Variants in BCAS3 observed in about 807,000 individuals in gnomAD.
BCAS3 encodes BCAS4/BCAS3 fusion.
A neutral mutation model predicts 116.1 loss-of-function variants in BCAS3; 53 were observed. That is an observed-to-expected ratio of 0.46 (90% CI 0.37 to 0.57). The LOEUF is 0.57. Among genes scored for constraint, BCAS3 ranks in the 20% least tolerant of loss-of-function variants. The pLI is 0.00. For synonymous variants in BCAS3, 391 were observed against 408.2 expected, an observed-to-expected ratio of 0.96 and a Z score of 0.51; for missense variants, 917 against 1,165.4, an observed-to-expected ratio of 0.79 and a Z score of 3.10.
At chr17:60,973,777 A>G (rs917176475) in intron 14 of BCAS3, among the ~76,000 whole-genome samples, 28 of 151,780 alleles carry the variant, frequency 1.8e-4, no homozygotes, top group African/African-American at 6.1e-4. Context: ...TTTTTGGTAG[A>G]TACAGGGTCT....
rs2048193482 is a variant in BCAS3 at position 61,249,266 on chromosome 17, A to C, written c.2426-119061A>C. ...CACACCACTGCACTCCAGCCTGGGC[A>C]ACAAGAGTGAAACTCCATCTCAAAA... On this transcript the variant is annotated intron_variant, in intron 22 of 23. Coordinates refer to ENST00000407086, the MANE Select transcript of BCAS3 (RefSeq NM_017679.5). The surrounding 1 kb of genome is among the most constrained non-coding windows in gnomAD (Gnocchi z 6.2). Among the ~76,000 whole-genome samples, 1 of 152,228 alleles carries C rather than the reference A, an allele frequency of 6.6e-6. No homozygotes were observed. Among genetic ancestry groups the C allele is most frequent in the South Asian group, 2.1e-4 (1 of 4,834 alleles).
At chr17:61,078,659 C>G in intron 21 of BCAS3, 130 bp downstream of exon 21, 1 of 721,804 alleles carries the variant, frequency 1.4e-6, no homozygotes, top group Non-Finnish European at 2.2e-6. Flanking sequence ...TGTACTGTTG[C>G]ACGTAATTCC....
intron 15 of BCAS3, among the ~76,000 whole-genome samples, chr17:61,014,029 G>C (rs1222104463): frequency 1.3e-5 from 2 of 152,042 alleles, no homozygotes; most frequent in South Asian, 2.1e-4. Flanking sequence ...GGACTTTCGG[G>C]GGGGATGCTT....
At chr17:60,776,691 C>T (rs1208358406) in intron 6 of BCAS3, among the ~76,000 whole-genome samples, 2 of 148,092 alleles carry the variant, frequency 1.4e-5, no homozygotes, top group Non-Finnish European at 3.0e-5. Context: ...TGTACTCCAG[C>T]CTGGGTGATA....
At position 61,208,790 on chromosome 17, in the gene BCAS3, G is replaced by T. The variant is rs1484293700; in HGVS notation, c.2425+124226G>T. 6.6e-6 allele frequency among the ~76,000 whole-genome samples: 1 copy of T among 151,822 alleles called. No individual in the cohort carries two copies. Among genetic ancestry groups the T allele is most frequent in the Admixed American group, 6.6e-5 (1 of 15,236 alleles). ...CCTGCAGTAGAGCCCTTGTCAGCTCGCTGGTGCTCTCTGCAAACTTGCAGT... is the reference window on the plus strand; with the variant it reads ...CCTGCAGTAGAGCCCTTGTCAGCTCTCTGGTGCTCTCTGCAAACTTGCAGT... On this transcript the variant is annotated intron_variant, in intron 22 of 23. Transcript: ENST00000407086. The surrounding 1 kb of genome is among the most constrained non-coding windows in gnomAD (Gnocchi z 4.5).
At position 61,132,867 on chromosome 17, in the gene BCAS3, A is replaced by G. The variant is rs1320424587; in HGVS notation, c.2425+48303A>G. On this transcript the variant is annotated intron_variant, in intron 22 of 23. Transcript: ENST00000407086. The surrounding 1 kb of genome is among the most constrained non-coding windows in gnomAD (Gnocchi z 5.1). ...ATCCAAGCAAGGTTCATAAAATGCCACCACCCCTGATTCATGACCTGACCT... is the reference window on the plus strand; with the variant it reads ...ATCCAAGCAAGGTTCATAAAATGCCGCCACCCCTGATTCATGACCTGACCT... 1.3e-5 allele frequency among the ~76,000 whole-genome samples: 2 copies of G among 152,144 alleles called. No individual in the cohort carries two copies. The highest frequency in any genetic ancestry group is 4.2e-4 in the South Asian group (2 of 4,816).
intron 4 of BCAS3, among the ~76,000 whole-genome samples, chr17:60,695,936 G>C (rs1297195293): frequency 2.0e-5 from 3 of 152,154 alleles, no homozygotes; most frequent in Non-Finnish European, 4.4e-5. Context: ...ATGGATCTGG[G>C]AAAGATTGGG....
intron 2 of BCAS3, among the ~76,000 whole-genome samples, chr17:60,682,443 A>G (rs959322148): frequency 2.6e-5 from 4 of 152,220 alleles, no homozygotes; most frequent in African/African-American, 9.6e-5. Flanking sequence ...CTTTTTTAAT[A>G]GGATTTATGA....
intron 7 of BCAS3, among the ~76,000 whole-genome samples, chr17:60,836,274 CAG>C: frequency 6.6e-6 from 1 of 152,146 alleles, no homozygotes; most frequent in East Asian, 1.9e-4. Context: ...TTGTATCAGA[CAG>C]AGTGATTAAA....
Position 61,276,121 on chromosome 17 carries a change from T to A in BCAS3, c.2426-92206T>A, listed in dbSNP as rs1006331737. The stretch of plus-strand genomic sequence containing the variant: ...ATCTCAGCACTTTGGGAGGCTGAGG[T>A]GGGCGGATCATGAGGTCAGGAGTTC... On this transcript the variant is annotated intron_variant, in intron 22 of 23. Coordinates refer to ENST00000407086, the MANE Select transcript of BCAS3 (RefSeq NM_017679.5). The surrounding 1 kb of genome is among the most constrained non-coding windows in gnomAD (Gnocchi z 4.2). Among the ~76,000 whole-genome samples, 3 of 151,998 alleles carry A rather than the reference T, an allele frequency of 2.0e-5. No homozygotes were observed. Among genetic ancestry groups the A allele is most frequent in the Non-Finnish European group, 4.4e-5 (3 of 67,994 alleles).
Position 61,219,934 on chromosome 17 carries a change from G to A in BCAS3, c.2425+135370G>A, listed in dbSNP as rs2082013868. On this transcript the variant is annotated intron_variant, in intron 22 of 23. Coordinates refer to ENST00000407086, the MANE Select transcript of BCAS3 (RefSeq NM_017679.5). The surrounding 1 kb of genome is among the most constrained non-coding windows in gnomAD (Gnocchi z 5.2). ...GGGGAGAGGAGTAGGGCAAGAAAGA[G>A]GGTCTAACCAGAAATAAGTTTGCCA... Among the ~76,000 whole-genome samples the A allele has an allele frequency of 6.6e-6, 1 of 152,168 alleles. No homozygotes were observed. Among genetic ancestry groups the A allele is most frequent in the African/African-American group, 2.4e-5 (1 of 41,428 alleles).
At chr17:61,150,174 G>T (rs1229329790) in intron 22 of BCAS3, among the ~76,000 whole-genome samples, 3 of 152,162 alleles carry the variant, frequency 2.0e-5, no homozygotes, top group African/African-American at 7.2e-5. Flanking sequence ...AGGTTAATAG[G>T]AGTCTATTGA....
chr17:61,352,873 C>T lies in BCAS3; in HGVS notation c.2426-15454C>T, dbSNP rs1013264377. On this transcript the variant is annotated intron_variant, in intron 22 of 23. Coordinates refer to ENST00000407086, the MANE Select transcript of BCAS3 (RefSeq NM_017679.5). This position sits in a 1 kb window ranked among gnomAD's most constrained non-coding sequence, Gnocchi z 4.7. ...GGCCTGGTGCCGCCACACTCCTGCT[C>T]GGCTCCTAGGCTGCTAGCGGGAGGT... 3.3e-5 allele frequency among the ~76,000 whole-genome samples: 5 copies of T among 152,208 alleles called. No individual in the cohort carries two copies. Among genetic ancestry groups the T allele is most frequent in the African/African-American group, 4.8e-5 (2 of 41,456 alleles).
intron 22 of BCAS3, among the ~76,000 whole-genome samples, chr17:61,155,519 AT>A (rs2077784573): frequency 1.3e-5 from 2 of 150,684 alleles, no homozygotes; most frequent in Non-Finnish European, 3.0e-5. Flanking sequence ...AAAGTCTAAT[AT>A]TTAGTTTGAA....
intron 22 of BCAS3, among the ~76,000 whole-genome samples, chr17:61,271,866 A>G (rs1431010359): frequency 6.6e-6 from 1 of 151,966 alleles, no homozygotes; most frequent in African/African-American, 2.4e-5. Flanking sequence ...CAGGAGTGCA[A>G]TGGTGCAATC....
rs557120830 is a variant in BCAS3, at chr17:61,313,051, G to A, written c.2426-55276G>A. Among the ~76,000 whole-genome samples the A allele has an allele frequency of 3.9e-5, 6 of 152,244 alleles. No individual in the cohort carries two copies. The highest frequency in any genetic ancestry group is 4.1e-4 in the South Asian group (2 of 4,822). On this transcript the variant is annotated intron_variant, in intron 22 of 23. Transcript: ENST00000407086. The surrounding 1 kb of genome is among the most constrained non-coding windows in gnomAD (Gnocchi z 4.3). ...CTTCCCATCTTTCACCTCGTTGATC[G>A]CCTCAAAATCCCGTGAGGTTTTTAA...
chr17:60,892,501 G>A (rs775787747), intron 10 of BCAS3, among the ~76,000 whole-genome samples: 26 of 151,750 alleles, frequency 1.7e-4, no homozygotes, highest in Non-Finnish European at 2.7e-4. Flanking sequence ...TAGAGATGGG[G>A]TTTCTCCATG....
In BCAS3 at chr17:61,012,832, T is replaced by C. The variant is rs191043280; in HGVS notation, c.1487-2919T>C. Among the ~76,000 whole-genome samples, 45 of 152,202 alleles carry C rather than the reference T, an allele frequency of 3.0e-4. 1 individual carries two copies. Among genetic ancestry groups the C allele is most frequent in the African/African-American group, 1.0e-3 (42 of 41,560 alleles). On this transcript the variant is annotated intron_variant, in intron 15 of 23. Transcript: ENST00000407086. This position sits in a 1 kb window ranked among gnomAD's most constrained non-coding sequence, Gnocchi z 4.5. ...GATTTGGAACTTCTCAGTGAATCAC[T>C]TCATTTTCCTAGACCACTCCTTTTA...
intron 22 of BCAS3, among the ~76,000 whole-genome samples, chr17:61,268,459 T>C (rs948129569): frequency 4.6e-5 from 7 of 152,224 alleles, no homozygotes; most frequent in African/African-American, 1.7e-4. Context: ...AAGTGTCCAC[T>C]ACAGTAATAC....
Sources: allele counts gnomAD v4.1 joint callset (sites outside exome capture counted in the v4.1 genomes callset), GRCh38; gene constraint gnomAD v4.1.1; non-coding constraint Gnocchi (gnomAD v3.1); transcripts MANE v1.5; gene names NCBI Gene and HGNC (gene_info 2026-07-23, HGNC 2026-07-21).